The following MGST2 variants were observed in gnomAD, a reference collection of about 807,000 sequenced individuals.
MGST2 encodes microsomal glutathione S-transferase 2.
Under a neutral mutation model 16.6 loss-of-function variants are expected in MGST2, and 9 were observed. That is an observed-to-expected ratio of 0.54 (90% CI 0.33 to 0.95). The LOEUF (loss-of-function observed/expected upper bound fraction) is 0.95, where lower values mean the gene tolerates loss of function less well. MGST2 is among the 40% of genes least tolerant of loss of function. The probability of loss-of-function intolerance (pLI) is 0.03; values close to 1 mark genes in which losing one functional copy is unlikely to be tolerated. For synonymous variants in MGST2, 79 were observed against 68.0 expected, an observed-to-expected ratio of 1.16 and a Z score of -0.79; for missense variants, 159 against 175.1, an observed-to-expected ratio of 0.91 and a Z score of 0.52.
At chr4:139,733,877 G>A (rs79170878) in intron 5 of MGST2, among the ~76,000 whole-genome samples, 3,224 of 152,186 alleles carry the variant, frequency 0.021, 47 homozygotes, top group Non-Finnish European at 0.032. Flanking sequence ...TGTATAGATG[G>A]GTTGTTGCCC....
At position 139,725,634 on chromosome 4, in the gene MGST2, A is replaced by G. The variant is rs1728438531; in HGVS notation, c.*49-14578A>G. 1.8e-5 allele frequency: 18 copies of G among 985,380 alleles called. No individual in the cohort carries two copies. The South Asian group carries it at 2.2e-4, about 12-fold the overall frequency. 61.0% of individuals were successfully genotyped at this position (985,380 alleles called of 1,614,324 possible). A position where few individuals can be genotyped will look rare whatever the true frequency, so the allele number is the denominator to read the frequency against. On this transcript the variant is annotated intron_variant, in intron 5 of 5. Transcript: ENST00000616265. ...GTACTCTTAACCTACCAGTAGTTACATATTTTGAGTATTTCCTGGACACAA... is the reference window on the plus strand; with the variant it reads ...GTACTCTTAACCTACCAGTAGTTACGTATTTTGAGTATTTCCTGGACACAA...
intron 2 of MGST2, among the ~76,000 whole-genome samples, chr4:139,682,834 T>A (rs1262075987): frequency 1.4e-5 from 2 of 145,850 alleles, no homozygotes; most frequent in African/African-American, 5.1e-5. Flanking sequence ...CATTGAAGGG[T>A]GAGTAGAGCA....
intron 5 of MGST2, chr4:139,717,971 C>T (rs1300685627): frequency 6.6e-6 from 1 of 152,220 alleles, no homozygotes; most frequent in Non-Finnish European, 1.5e-5. Flanking sequence ...TAAACTACAT[C>T]TCCTTTCTAT....
intron 2 of MGST2, among the ~76,000 whole-genome samples, chr4:139,685,621 A>T (rs563095303): frequency 9.2e-5 from 14 of 152,320 alleles, no homozygotes; most frequent in Admixed American, 9.2e-4. Flanking sequence ...TCCCTTGTCA[A>T]CAAAAAGAGT....
chr4:139,707,543 T>C (rs918607528), downstream of MGST2, among the ~76,000 whole-genome samples: 12 of 152,246 alleles, frequency 7.9e-5, no homozygotes, highest in African/African-American at 2.7e-4. Context: ...GCAAGCAGCA[T>C]GATTTATAAT....
chr4:139,716,661 A>ATTTTGAGAAAG (rs1727979168), intron 5 of MGST2: 1 of 152,482 alleles, frequency 6.6e-6, no homozygotes, highest in South Asian at 2.1e-4. Flanking sequence ...TTTTGAGAAA[A>ATTTTGAGAAAG]GAACTGCAGT....
At chr4:139,710,205 T>C (rs17357657) in intron 5 of MGST2, among the ~76,000 whole-genome samples, 15,151 of 152,262 alleles carry the variant, frequency 0.1, 1,044 homozygotes, top group Non-Finnish European at 0.15. Flanking sequence ...TTGAAAAGAA[T>C]GGTCAGAGGC....
chr4:139,725,858 G>A lies in MGST2; in HGVS notation c.*49-14354G>A, dbSNP rs762667888. Reference sequence around the variant, plus strand: ...CTGCTAGAACAACAGAACACAAGAGGGGTGGAGAGGTGAGATAGGGAGCAA... The same window carrying A: ...CTGCTAGAACAACAGAACACAAGAGAGGTGGAGAGGTGAGATAGGGAGCAA... On this transcript the variant is annotated intron_variant, in intron 5 of 5. Coordinates refer to the MGST2 transcript ENST00000616265. 3.1e-6 allele frequency: 5 copies of A among 1,601,574 alleles called. No individual in the cohort carries two copies. In the African/African-American group the frequency reaches 6.7e-5, roughly 21 times the overall value.
intron 5 of MGST2, chr4:139,725,764 G>A: frequency 1.2e-6 from 2 of 1,613,910 alleles, no homozygotes; most frequent in Non-Finnish European, 1.7e-6. Flanking sequence ...GAAACTGATT[G>A]ACCTGCTGCA....
chr4:139,687,098 C>G (rs1560744613), intron 2 of MGST2, among the ~76,000 whole-genome samples: 1 of 152,204 alleles, frequency 6.6e-6, no homozygotes, highest in Non-Finnish European at 1.5e-5. Flanking sequence ...GTACTGTATA[C>G]AAACCCAGTT....
downstream of MGST2, among the ~76,000 whole-genome samples, chr4:139,706,188 C>T (rs1165264998): frequency 6.6e-6 from 1 of 152,170 alleles, no homozygotes; most frequent in African/African-American, 2.4e-5. Flanking sequence ...CCAAAGCACA[C>T]TGAGAATATA....
At chr4:139,712,619 G>GAA (rs1727785147) in intron 5 of MGST2, among the ~76,000 whole-genome samples, 1 of 152,182 alleles carries the variant, frequency 6.6e-6, no homozygotes, top group South Asian at 2.1e-4. Flanking sequence ...TTTGTACCCT[G>GAA]AAATACCTAT....
intron 1 of MGST2, among the ~76,000 whole-genome samples, chr4:139,666,669 G>T (rs1035372159): frequency 3.9e-5 from 6 of 152,080 alleles, no homozygotes; most frequent in African/African-American, 1.4e-4. Context: ...TTAAATAGAG[G>T]GCTTTTACTC....
Position 139,687,082 on chromosome 4 carries a change from A to C in MGST2, c.159-8115A>C, listed in dbSNP as rs528867824. Reference sequence around the variant, plus strand: ...TATTTCTCTCAAGTTACTATTTATAAAGTAAGTACTGTATACAAACCCAGT... The same window carrying C: ...TATTTCTCTCAAGTTACTATTTATACAGTAAGTACTGTATACAAACCCAGT... On this transcript the variant is annotated intron_variant, in intron 2 of 4. Coordinates refer to ENST00000265498, the MANE Select transcript of MGST2 (RefSeq NM_002413.5). 2.6e-5 allele frequency among the ~76,000 whole-genome samples: 4 copies of C among 152,348 alleles called. No individual in the cohort carries two copies. The South Asian group carries it at 8.3e-4, about 32-fold the overall frequency.
At chr4:139,723,905 A>C (rs1472853577) in intron 5 of MGST2, among the ~76,000 whole-genome samples, 1 of 152,228 alleles carries the variant, frequency 6.6e-6, no homozygotes, top group Non-Finnish European at 1.5e-5. Context: ...GATTTACTGA[A>C]TCAGAAACAC....
intron 5 of MGST2, chr4:139,718,383 A>T (rs1728080166): frequency 6.6e-6 from 1 of 152,266 alleles, no homozygotes; most frequent in African/African-American, 2.4e-5. Flanking sequence ...TGTAAGGAGA[A>T]GCAAGGGGAG....
downstream of MGST2, among the ~76,000 whole-genome samples, chr4:139,706,683 TAC>T (rs111407241): frequency 8.8e-4 from 133 of 150,464 alleles, 1 homozygote; most frequent in Middle Eastern, 3.4e-3. Context: ...AACACACACA[TAC>T]ACACACACAC....
At chr4:139,698,040 G>T in intron 3 of MGST2, 1 of 674,530 alleles carries the variant, frequency 1.5e-6, no homozygotes, top group Non-Finnish European at 2.5e-6. Context: ...GGTACCTTTT[G>T]ACCCCATGGA....
chr4:139,668,247 G>T (rs1730474559), intron 1 of MGST2, among the ~76,000 whole-genome samples: 1 of 152,172 alleles, frequency 6.6e-6, no homozygotes, highest in African/African-American at 2.4e-5. Context: ...CTATGCAAAT[G>T]AAGCTTCCAG....
Sources: gnomAD v4.1 joint callset for allele counts (sites outside exome capture counted in the v4.1 genomes callset) on GRCh38, gnomAD v4.1.1 for gene constraint, MANE v1.5 for transcripts, NCBI Gene and HGNC (gene_info 2026-07-23, HGNC 2026-07-21) for gene names.